Variants in AP2A2 observed in about 807,000 individuals in gnomAD.
AP2A2 encodes adaptor related protein complex 2 subunit alpha 2.
Under a neutral mutation model 104.2 loss-of-function variants are expected in AP2A2, and 32 were observed. That is an observed-to-expected ratio of 0.31 (90% confidence interval 0.23 to 0.41). The LOEUF is 0.41. Among genes scored for constraint, AP2A2 ranks in the 10% least tolerant of loss-of-function variants. The probability of loss-of-function intolerance (pLI) is 1.00; values close to 1 mark genes in which losing one functional copy is unlikely to be tolerated. For synonymous variants in AP2A2, 539 were observed against 533.3 expected (o/e 1.01, Z -0.15); for missense variants, 912 against 1,261.0 (o/e 0.72, Z 4.19).
At chr11:1,000,802 T>G (rs1004699468) in intron 15 of AP2A2, among the ~76,000 whole-genome samples, 1 of 152,060 alleles carries the variant, frequency 6.6e-6, no homozygotes, top group Non-Finnish European at 1.5e-5. Flanking sequence ...TGGACTGCAG[T>G]GTTCATTACT....
rs1288736396 is a variant in AP2A2 at position 1,011,249 on chromosome 11, T to C, written c.*624T>C. ...AACTGTTCTCCTTTCCCAGCTCCTG[T>C]TTGTGAAGGGCGTCTGTTATGCTCC... On this transcript the variant is annotated 3_prime_UTR_variant, in exon 22 of 22. Transcript: ENST00000448903. 3.9e-6 allele frequency: 2 copies of C among 519,036 alleles called. No homozygotes were observed. Among genetic ancestry groups the C allele is most frequent in the Admixed American group, 3.9e-5 (2 of 51,592 alleles). 32.2% of individuals were successfully genotyped at this position (519,036 alleles called of 1,614,324 possible).
At position 976,075 on chromosome 11, in the gene AP2A2, G is replaced by T. The variant is rs756376578; in HGVS notation, c.474-1020G>T. On this transcript the variant is annotated intron_variant, in intron 4 of 21. Transcript: ENST00000448903. ...GGCCCAGTCATGGGGTCCTGAAGCC[G>T]CCTGGCAAGGACAGCCCTGCTGGCG... is the stretch of plus-strand genomic sequence containing the variant. 5.3e-5 allele frequency among the ~76,000 whole-genome samples: 8 copies of T among 152,306 alleles called. No homozygotes were observed. In the East Asian group the frequency reaches 1.4e-3, roughly 26 times the overall value.
chr11:1,007,372 A>C (rs1199490080), intron 17 of AP2A2: 14 of 154,204 alleles, frequency 9.1e-5, no homozygotes, highest in Admixed American at 8.9e-4. Context: ...TGGAATCTGG[A>C]GTGGAAGCTC....
At chr11:943,830 G>A (rs1015735975) in intron 1 of AP2A2, among the ~76,000 whole-genome samples, 1 of 147,094 alleles carries the variant, frequency 6.8e-6, no homozygotes, top group Non-Finnish European at 1.5e-5. Flanking sequence ...GAATAGGAGA[G>A]TCCGACCGGA....
chr11:962,189 G>T (rs1048088853), intron 2 of AP2A2, among the ~76,000 whole-genome samples: 5 of 152,374 alleles, frequency 3.3e-5, no homozygotes, highest in African/African-American at 1.2e-4. Context: ...CTTACTCTTG[G>T]TGTCACTGGG....
chr11:998,958 C>T (rs1855944318), intron 14 of AP2A2, among the ~76,000 whole-genome samples: 1 of 152,148 alleles, frequency 6.6e-6, no homozygotes, highest in Non-Finnish European at 1.5e-5. Flanking sequence ...TCCCAAAGTG[C>T]TGGGATTACA....
chr11:984,349 T>G (rs1855373077), intron 6 of AP2A2, among the ~76,000 whole-genome samples: 1 of 152,080 alleles, frequency 6.6e-6, no homozygotes, highest in Non-Finnish European at 1.5e-5. Context: ...TCTCTCTGAT[T>G]TCATTCACGT....
At chr11:941,050 T>A (rs1171571658) in intron 1 of AP2A2, among the ~76,000 whole-genome samples, 1 of 152,188 alleles carries the variant, frequency 6.6e-6, no homozygotes, top group Non-Finnish European at 1.5e-5. Flanking sequence ...TTTTCCAGCT[T>A]GTCTTTTTCT....
chr11:947,039 T>A (rs1853868170), intron 1 of AP2A2: 1 of 141,180 alleles, frequency 7.1e-6, no homozygotes, highest in Admixed American at 7.6e-5. Flanking sequence ...AGACGGAGTC[T>A]CCCTCTGTCG....
chr11:970,941 G>A (rs760914455), intron 3 of AP2A2, among the ~76,000 whole-genome samples: 3 of 152,362 alleles, frequency 2.0e-5, no homozygotes, highest in Admixed American at 1.3e-4. Context: ...GGCTCTGCAC[G>A]TTGAGCTGTG....
At chr11:973,965 C>T (rs1473828121) in intron 4 of AP2A2, among the ~76,000 whole-genome samples, 2 of 152,198 alleles carry the variant, frequency 1.3e-5, no homozygotes, top group East Asian at 3.8e-4. Flanking sequence ...CAGGGCCACC[C>T]CTGAGGCACG....
At chr11:981,652 C>T (rs1185311026) in intron 6 of AP2A2, among the ~76,000 whole-genome samples, 1 of 152,236 alleles carries the variant, frequency 6.6e-6, no homozygotes, top group Non-Finnish European at 1.5e-5. Context: ...TGCAGATGGA[C>T]CTGCAGCACA....
chr11:989,075 A>G (rs1486876638), intron 10 of AP2A2, among the ~76,000 whole-genome samples: 1 of 152,086 alleles, frequency 6.6e-6, no homozygotes, highest in Non-Finnish European at 1.5e-5. Context: ...ACGCCTGTAC[A>G]CCTTGGGAGG....
chr11:933,502 G>C (rs900155310), intron 1 of AP2A2: 3 of 455,886 alleles, frequency 6.6e-6, no homozygotes, highest in African/African-American at 6.0e-5. Flanking sequence ...GGGTGTTCCC[G>C]TGTAGAAGTG....
intron 2 of AP2A2, among the ~76,000 whole-genome samples, chr11:963,312 G>C (rs1854501828): frequency 6.6e-6 from 1 of 152,044 alleles, no homozygotes; most frequent in East Asian, 1.9e-4. Flanking sequence ...TGTAATCCCA[G>C]CTACTCGGGA....
chr11:970,403 C>G, intron 3 of AP2A2, 92 bp downstream of exon 3: 1 of 1,510,528 alleles, frequency 6.6e-7, no homozygotes, highest in Non-Finnish European at 8.9e-7. Flanking sequence ...GCTTCCTTCT[C>G]TGCCCACAGC....
At chr11:976,467 C>A (rs1855041550) in intron 4 of AP2A2, among the ~76,000 whole-genome samples, 1 of 152,130 alleles carries the variant, frequency 6.6e-6, no homozygotes, top group Admixed American at 6.5e-5. Flanking sequence ...ACCCCAGGGT[C>A]CCTGTTGCCT....
At chr11:975,859 C>T (rs896197803) in intron 4 of AP2A2, among the ~76,000 whole-genome samples, 4 of 152,186 alleles carry the variant, frequency 2.6e-5, no homozygotes, top group African/African-American at 4.8e-5. Flanking sequence ...GAGCTGACAC[C>T]GGAGAGTAGT....
At chr11:952,259 AATC>A (rs1854077611) in intron 1 of AP2A2, among the ~76,000 whole-genome samples, 1 of 152,200 alleles carries the variant, frequency 6.6e-6, no homozygotes, top group East Asian at 1.9e-4. Flanking sequence ...GGTATTTTAT[AATC>A]ATCTGTCATA....
Sources: allele counts gnomAD v4.1 joint callset (sites outside exome capture counted in the v4.1 genomes callset), GRCh38; gene constraint gnomAD v4.1.1; transcripts MANE v1.5; gene names NCBI Gene and HGNC (gene_info 2026-07-23, HGNC 2026-07-21).